PCDH15: variants seen among roughly 807,000 people sequenced by gnomAD.
The protein encoded by PCDH15 is protocadherin related 15.
PCDH15 carries 129 observed loss-of-function variants against 178.5 expected under a neutral mutation model. The observed-to-expected ratio is 0.72, with a 90% CI of 0.63 to 0.84. The LOEUF (loss-of-function observed/expected upper bound fraction) is 0.84, where lower values mean the gene tolerates loss of function less well. Ranked by LOEUF, PCDH15 falls within the 40% of genes least tolerant of loss-of-function variation. The probability of loss-of-function intolerance (pLI) is 0.00; values close to 1 mark genes in which losing one functional copy is unlikely to be tolerated. For missense variants in PCDH15, 2,230 were observed against 2,099.9 expected (o/e 1.06, Z -1.21); for synonymous variants, 800 against 732.0 (o/e 1.09, Z -1.50).
intron 18 of PCDH15, among the ~76,000 whole-genome samples, chr10:54,036,334 A>C (rs1437309128): frequency 6.6e-6 from 1 of 151,968 alleles, no homozygotes; most frequent in Non-Finnish European, 1.5e-5. Context: ...CCTAGATTCA[A>C]GGTTTCAAAG....
intron 2 of PCDH15, among the ~76,000 whole-genome samples, chr10:54,970,361 G>T (rs779147245): frequency 3.9e-5 from 6 of 152,148 alleles, no homozygotes; most frequent in Non-Finnish European, 7.4e-5. Flanking sequence ...AGCAGCTTTG[G>T]AACTGGGTGA....
chr10:54,995,422 T>A, intron 2 of PCDH15, among the ~76,000 whole-genome samples: 1 of 149,206 alleles, frequency 6.7e-6, no homozygotes, highest in South Asian at 2.1e-4. Context: ...AAAAAAATTA[T>A]CTTACTTTAG....
In PCDH15 at chr10:54,924,104, A is replaced by G. The variant is rs1591786567; in HGVS notation, c.-79-26604T>C. Among the ~76,000 whole-genome samples the G allele has an allele frequency of 1.4e-5, 2 of 138,246 alleles. 1 individual carries two copies. The highest frequency in any genetic ancestry group is 3.4e-5 in the Non-Finnish European group (2 of 59,346). The allele number at this position is 138,246 out of a possible 152,430, so 90.7% of individuals were successfully genotyped here. Reference sequence around the variant, plus strand: ...TGGAGGCCATAGGAAACTTAAAATCATGGCAGAAAGTCAAGAGGAAGCAAG... The same window carrying G: ...TGGAGGCCATAGGAAACTTAAAATCGTGGCAGAAAGTCAAGAGGAAGCAAG... On this transcript the variant is annotated intron_variant, in intron 2 of 5. Transcript: ENST00000458638.
intron 2 of PCDH15, among the ~76,000 whole-genome samples, chr10:55,074,506 G>A (rs997517434): frequency 6.6e-6 from 1 of 152,100 alleles, no homozygotes; most frequent in Admixed American, 6.6e-5. Context: ...CTGCATAAAT[G>A]TCTTCTTTTG....
At chr10:54,722,268 A>G (rs1230619719) in intron 1 of PCDH15, among the ~76,000 whole-genome samples, 3 of 151,784 alleles carry the variant, frequency 2.0e-5, no homozygotes, top group Non-Finnish European at 4.4e-5. Context: ...TATGCTGAAT[A>G]AGGGAAAGTT....
At chr10:53,823,655 C>T in intron 32 of PCDH15, 1 of 491,568 alleles carries the variant, frequency 2.0e-6, no homozygotes, top group Admixed American at 2.5e-5. Context: ...TAGTGTGATA[C>T]AGCAAAGCAT....
At chr10:54,796,052 G>T (rs1477831166) in intron 1 of PCDH15, among the ~76,000 whole-genome samples, 2 of 151,774 alleles carry the variant, frequency 1.3e-5, no homozygotes, top group African/African-American at 2.4e-5. Flanking sequence ...GAGTGGAATA[G>T]AATTAAAGCT....
chr10:54,139,622 G>A (rs1250917896), intron 14 of PCDH15, among the ~76,000 whole-genome samples: 1 of 152,014 alleles, frequency 6.6e-6, no homozygotes, highest in East Asian at 1.9e-4. Context: ...GTTCACTAAA[G>A]TTTTGTTCAC....
At chr10:54,706,587 A>C (rs189354910) in intron 1 of PCDH15, among the ~76,000 whole-genome samples, 2 of 152,268 alleles carry the variant, frequency 1.3e-5, no homozygotes, top group Admixed American at 1.3e-4. Flanking sequence ...TAGGTATTTG[A>C]AGACTTAACC....
intron 2 of PCDH15, among the ~76,000 whole-genome samples, chr10:54,539,325 A>G (rs1373215865): frequency 2.0e-5 from 3 of 152,216 alleles, no homozygotes; most frequent in East Asian, 3.8e-4. Context: ...AACAAGGGTC[A>G]CTATTGTTAT....
At chr10:55,135,288 T>C (rs969002187) in intron 2 of PCDH15, among the ~76,000 whole-genome samples, 1 of 152,116 alleles carries the variant, frequency 6.6e-6, no homozygotes, top group East Asian at 1.9e-4. Context: ...TCTGCTAACT[T>C]TTATCAAGCC....
chr10:54,405,221 T>C (rs541372644), intron 3 of PCDH15, among the ~76,000 whole-genome samples: 41 of 152,108 alleles, frequency 2.7e-4, no homozygotes, highest in Non-Finnish European at 5.7e-4. Context: ...ATTGTGTCAC[T>C]ATTCACAGTA....
chr10:55,123,042 T>G (rs2132068343), intron 2 of PCDH15, among the ~76,000 whole-genome samples: 1 of 152,134 alleles, frequency 6.6e-6, no homozygotes, highest in East Asian at 1.9e-4. Context: ...GAGAAAATGC[T>G]TATGGCATGG....
At chr10:54,053,170 T>C (rs2093815133) in intron 18 of PCDH15, among the ~76,000 whole-genome samples, 1 of 152,194 alleles carries the variant, frequency 6.6e-6, no homozygotes. Context: ...ATATCCAATA[T>C]CAAAGCTTTT....
rs576028714 is a variant in PCDH15, at chr10:54,123,862, C to T, written c.1917+9013G>A. Among the ~76,000 whole-genome samples, 8 of 152,242 alleles carry T rather than the reference C, an allele frequency of 5.3e-5. No homozygotes were observed. In the South Asian group the frequency reaches 1.0e-3, roughly 20 times the overall value. The stretch of plus-strand genomic sequence containing the variant: ...TGTGTCCTTCTTAGCAACCTGGATA[C>T]AGCTGGAGGCCATCATCCTAATTGA... On this transcript the variant is annotated intron_variant, in intron 15 of 37. Transcript: ENST00000644397.
intron 18 of PCDH15, among the ~76,000 whole-genome samples, chr10:54,031,080 A>T (rs186191696): frequency 6.6e-6 from 1 of 152,116 alleles, no homozygotes; most frequent in East Asian, 1.9e-4. Context: ...CTCCTGCTTC[A>T]TCGTTGAAGG....
intron 2 of PCDH15, among the ~76,000 whole-genome samples, chr10:55,448,779 C>G (rs548069567): frequency 1.3e-5 from 2 of 152,018 alleles, no homozygotes; most frequent in Admixed American, 1.3e-4. Flanking sequence ...ACTCAGACCT[C>G]TTTGTTGTGT....
chr10:54,054,783 T>C (rs565794954), intron 18 of PCDH15, among the ~76,000 whole-genome samples: 2 of 151,984 alleles, frequency 1.3e-5, no homozygotes, highest in African/African-American at 2.4e-5. Context: ...ATGTAGCACA[T>C]TTATATTGAC....
At chr10:55,238,405 C>T (rs1258060187) in intron 1 of PCDH15, among the ~76,000 whole-genome samples, 1 of 152,114 alleles carries the variant, frequency 6.6e-6, no homozygotes, top group African/African-American at 2.4e-5. Context: ...CCACCTCGGC[C>T]TCCCAAAGTG....
Sources: allele counts gnomAD v4.1 joint callset (sites outside exome capture counted in the v4.1 genomes callset), GRCh38; gene constraint gnomAD v4.1.1; transcripts MANE v1.5; gene names NCBI Gene and HGNC (gene_info 2026-07-23, HGNC 2026-07-21).